Variants in MPRIP observed in about 807,000 individuals in gnomAD.
The protein encoded by MPRIP is myosin phosphatase Rho-interacting protein.
In MPRIP, 59 loss-of-function variants were observed where a neutral mutation model predicts 234.9. That is an observed-to-expected ratio of 0.25 (90% CI 0.20 to 0.31). MPRIP has a LOEUF of 0.31. Among genes scored for constraint, MPRIP ranks in the 10% least tolerant of loss-of-function variants. MPRIP has a pLI of 1.00. For missense variants in MPRIP, 2,436 were observed against 3,071.0 expected, an observed-to-expected ratio of 0.79 and a Z score of 4.89; for synonymous variants, 1,144 against 1,263.9, an observed-to-expected ratio of 0.91 and a Z score of 2.01.
intron 3 of MPRIP, among the ~76,000 whole-genome samples, chr17:17,094,135 T>G (rs2089785271): frequency 6.6e-6 from 1 of 152,182 alleles, no homozygotes; most frequent in Admixed American, 6.5e-5. Flanking sequence ...GGGTTTTTTT[T>G]GGTTTGTTTT....
Position 17,138,129 on chromosome 17 carries a change from C to G in MPRIP, c.950C>G (p.Pro317Arg). 4 of 1,475,856 alleles carry G rather than the reference C, an allele frequency of 2.7e-6. No homozygotes were observed. In the Admixed American group the frequency reaches 6.1e-5, roughly 23 times the overall value. The allele number at this position is 1,475,856 out of a possible 1,614,324, so 91.4% of individuals were successfully genotyped here. ...GAGCTCGGTGGTCCTCTTCCTTCCCCAGGTCCTCGACTCCCCCACCAAATG... is the reference window on the plus strand; with the variant it reads ...GAGCTCGGTGGTCCTCTTCCTTCCCGAGGTCCTCGACTCCCCCACCAAATG... ...SQELGGPLPS[P>R]GPRLPHQMVC... The change falls in exon 7 of 24, where the codon CCA (proline) becomes CGA (arginine). Residue 317 changes from proline (P) to arginine (R), a missense_variant. Coordinates refer to ENST00000651222, the MANE Select transcript of MPRIP (RefSeq NM_001364716.4). This position sits in a 1 kb window ranked among gnomAD's most constrained non-coding sequence, Gnocchi z 5.8.
At chr17:17,106,543 G>C (rs1345154438) in intron 3 of MPRIP, among the ~76,000 whole-genome samples, 1 of 152,006 alleles carries the variant, frequency 6.6e-6, no homozygotes, top group Non-Finnish European at 1.5e-5. Flanking sequence ...AATCCACATA[G>C]TGTTTCCTCT....
chr17:17,114,430 T>C (rs1490611488), intron 3 of MPRIP, among the ~76,000 whole-genome samples: 1 of 7,198 alleles, frequency 1.4e-4, no homozygotes, highest in Non-Finnish European at 3.0e-4. Flanking sequence ...CTAGTTTATC[T>C]TTTTTTTTTC....
chr17:17,150,030 T>C (rs559210949), intron 11 of MPRIP, 114 bp from the exon 12 acceptor site: 175 of 757,916 alleles, frequency 2.3e-4, no homozygotes, highest in Non-Finnish European at 3.5e-4. Flanking sequence ...CACTTGTCAG[T>C]GTGTATACTA....
At chr17:17,171,115 G>C (rs2046123984) in intron 16 of MPRIP, 1 of 152,368 alleles carries the variant, frequency 6.6e-6, no homozygotes, top group African/African-American at 2.4e-5. Flanking sequence ...CCAGCTGGAG[G>C]TTGTCAGCTG....
intron 3 of MPRIP, among the ~76,000 whole-genome samples, chr17:17,112,036 T>G (rs147336486): frequency 6.6e-6 from 1 of 152,262 alleles, no homozygotes; most frequent in Non-Finnish European, 1.5e-5. Context: ...GGGTAAATAT[T>G]AATATTTACG....
At chr17:17,123,977 A>C (rs1468627291) in intron 3 of MPRIP, among the ~76,000 whole-genome samples, 1 of 152,220 alleles carries the variant, frequency 6.6e-6, no homozygotes, top group Non-Finnish European at 1.5e-5. Context: ...ATCTTGACAC[A>C]CAGGTAGTTA....
chr17:17,112,794 G>A (rs1232481067), intron 3 of MPRIP, among the ~76,000 whole-genome samples: 1 of 152,202 alleles, frequency 6.6e-6, no homozygotes, highest in Admixed American at 6.5e-5. Context: ...GGGGGAGGGA[G>A]GGAGGATGAG....
chr17:17,128,494 G>C (rs1321660064), intron 4 of MPRIP, among the ~76,000 whole-genome samples: 1 of 152,182 alleles, frequency 6.6e-6, no homozygotes, highest in African/African-American at 2.4e-5. Flanking sequence ...GCTCTCTTCT[G>C]TTGCATATTC....
chr17:17,072,733 A>G (rs1411380935), intron 1 of MPRIP, among the ~76,000 whole-genome samples: 2 of 152,106 alleles, frequency 1.3e-5, no homozygotes, highest in African/African-American at 4.8e-5. Context: ...ATAGCTGGCC[A>G]GTTCCTGTCC....
chr17:17,085,105 G>C (rs1420969526), intron 3 of MPRIP, among the ~76,000 whole-genome samples: 1 of 152,198 alleles, frequency 6.6e-6, no homozygotes, highest in Non-Finnish European at 1.5e-5. Flanking sequence ...AGGGAAAGGA[G>C]GCAGGTCCTG....
At chr17:17,114,163 G>A (rs1338628440) in intron 3 of MPRIP, among the ~76,000 whole-genome samples, 1 of 152,076 alleles carries the variant, frequency 6.6e-6, no homozygotes, top group Non-Finnish European at 1.5e-5. Context: ...GAAGTGCTAG[G>A]TGACTTTCAT....
intron 1 of MPRIP, among the ~76,000 whole-genome samples, chr17:17,051,217 C>G (rs1006724818): frequency 2.0e-5 from 3 of 152,218 alleles, no homozygotes; most frequent in Non-Finnish European, 2.9e-5. Context: ...TGTTCTTTAG[C>G]AGAAATAAAG....
chr17:17,098,446 G>A (rs1440369414), intron 3 of MPRIP, among the ~76,000 whole-genome samples: 5 of 152,160 alleles, frequency 3.3e-5, no homozygotes, highest in African/African-American at 1.2e-4. Flanking sequence ...CTCGGCTAGG[G>A]GAGGAAATGA....
At chr17:17,109,000 C>T (rs770288383) in intron 3 of MPRIP, among the ~76,000 whole-genome samples, 8 of 152,200 alleles carry the variant, frequency 5.3e-5, no homozygotes, top group African/African-American at 1.9e-4. Flanking sequence ...GGCTGTGGTG[C>T]GCAGATTTCT....
At position 17,136,239 on chromosome 17, in the gene MPRIP, G is replaced by A. The variant is rs1280488933; in HGVS notation, c.525G>A (p.Val175=). The change falls in exon 6 of 24, where the codon GTG becomes GTA. Residue 175 remains valine, a synonymous_variant. Coordinates refer to ENST00000651222, the MANE Select transcript of MPRIP (RefSeq NM_001364716.4). Reference sequence around the variant, plus strand: ...TCCAGGAGCCTGGGCCTGCCAAGGTGGCTGTTACCAGCAGCAGCAGCAGCA... The same window carrying A: ...TCCAGGAGCCTGGGCCTGCCAAGGTAGCTGTTACCAGCAGCAGCAGCAGCA... ...PTPQEPGPAK[V]AVTSSSSSSS... 6.3e-7 allele frequency: 1 copy of A among 1,598,842 alleles called. No individual in the cohort carries two copies.
rs202054781 is a variant in MPRIP at position 17,158,739 on chromosome 17, C to T, written c.2137C>T (p.Arg713Cys). The T allele has an allele frequency of 1.1e-5, 18 of 1,611,070 alleles. No individual in the cohort carries two copies. In the East Asian group the frequency reaches 1.3e-4, roughly 12 times the overall value. ...RARRREERRK[R>C]FGMLDATDGP... is the part of the protein sequence containing the mutation. Reference sequence around the variant, plus strand: ...ACGGAGGCGGGAGGAGCGCCGCAAGCGCTTCGGGATGCTCGACGCCACAGA... The same window carrying T: ...ACGGAGGCGGGAGGAGCGCCGCAAGTGCTTCGGGATGCTCGACGCCACAGA... The change falls in exon 14 of 24, where the codon CGC becomes TGC. Residue 713 changes from arginine to cysteine, a missense_variant. Physicochemically the swap from Arg to Cys is radical, Grantham distance 180 (BLOSUM62 -3). Around this residue, in one of 4 missense-constraint regions of MPRIP, gnomAD observed 1,998 missense variants for 2,520.3 expected, o/e 0.79. Transcript: ENST00000651222.
At chr17:17,095,938 A>G (rs1170200257) in intron 3 of MPRIP, among the ~76,000 whole-genome samples, 1 of 152,076 alleles carries the variant, frequency 6.6e-6, no homozygotes, top group African/African-American at 2.4e-5. Context: ...AGTTTACTTG[A>G]TATCTTATAT....
At chr17:17,077,697 G>A (rs940798893) in intron 2 of MPRIP, 36 of 338,694 alleles carry the variant, frequency 1.1e-4, no homozygotes, top group African/African-American at 7.3e-4. Context: ...AGCACCATCA[G>A]GAATACAAAA....
Sources: allele counts gnomAD v4.1 joint callset (sites outside exome capture counted in the v4.1 genomes callset), GRCh38; gene constraint gnomAD v4.1.1; regional missense constraint gnomAD v4.1.1; non-coding constraint Gnocchi (gnomAD v3.1); transcripts MANE v1.5; gene names NCBI Gene and HGNC (gene_info 2026-07-23, HGNC 2026-07-21).